DLGAP2: variants seen among roughly 807,000 people sequenced by gnomAD.
DLGAP2 encodes the protein disks large-associated protein 2.
DLGAP2 carries 26 observed loss-of-function variants against 100.3 expected under a neutral mutation model. The ratio of observed to expected loss-of-function variants is 0.26; its 90% confidence interval spans 0.19 to 0.36. DLGAP2 has a LOEUF of 0.36. DLGAP2 is among the 10% of genes least tolerant of loss of function. DLGAP2 has a pLI of 1.00. For missense variants in DLGAP2, 1,858 were observed against 1,453.2 expected, an observed-to-expected ratio of 1.28 and a Z score of -4.53; for synonymous variants, 886 against 630.1, an observed-to-expected ratio of 1.41 and a Z score of -6.08.
At chr8:1,307,130 C>A (rs1800509391) in intron 3 of DLGAP2, among the ~76,000 whole-genome samples, 1 of 151,962 alleles carries the variant, frequency 6.6e-6, no homozygotes, top group African/African-American at 2.4e-5. Flanking sequence ...TATCAAAATT[C>A]AAATCATATA....
intron 3 of DLGAP2, among the ~76,000 whole-genome samples, chr8:1,269,998 C>G (rs1324889735): frequency 1.3e-5 from 2 of 152,150 alleles, no homozygotes; most frequent in African/African-American, 4.8e-5. Flanking sequence ...CGGTATTTTC[C>G]TGGGCGGGGA....
At chr8:1,117,997 AAGC>A (rs1795934966) in intron 2 of DLGAP2, among the ~76,000 whole-genome samples, 1 of 152,238 alleles carries the variant, frequency 6.6e-6, no homozygotes, top group Non-Finnish European at 1.5e-5. Flanking sequence ...TGAAATTATA[AAGC>A]AAATTCGTTA....
intron 2 of DLGAP2, among the ~76,000 whole-genome samples, chr8:1,245,333 C>G (rs951701741): frequency 1.3e-5 from 2 of 152,174 alleles, no homozygotes; most frequent in African/African-American, 4.8e-5. Flanking sequence ...AAGATAGAAA[C>G]AACCCAGGTC....
chr8:1,377,109 G>T (rs549810771), intron 3 of DLGAP2, among the ~76,000 whole-genome samples: 2 of 152,240 alleles, frequency 1.3e-5, no homozygotes, highest in South Asian at 4.1e-4. Context: ...CCAGATAGGC[G>T]TGTGCGTCCC....
At chr8:750,310 A>T (rs1299641231) in intron 1 of DLGAP2, among the ~76,000 whole-genome samples, 1 of 152,238 alleles carries the variant, frequency 6.6e-6, no homozygotes. Context: ...GAGTGGGCTC[A>T]GGGAGGACGT....
intron 2 of DLGAP2, among the ~76,000 whole-genome samples, chr8:1,055,501 A>G (rs1373660768): frequency 1.3e-5 from 2 of 152,226 alleles, no homozygotes; most frequent in African/African-American, 4.8e-5. Context: ...TTTTCTACTT[A>G]AAGTCTGTTG....
intron 1 of DLGAP2, among the ~76,000 whole-genome samples, chr8:750,255 G>C (rs1004224460): frequency 6.6e-6 from 1 of 152,220 alleles, no homozygotes; most frequent in African/African-American, 2.4e-5. Flanking sequence ...GGCACTGGCC[G>C]TGCCGCATCC....
intron 3 of DLGAP2, among the ~76,000 whole-genome samples, chr8:1,319,717 C>T (rs948569675): frequency 5.3e-5 from 8 of 152,072 alleles, no homozygotes; most frequent in African/African-American, 1.9e-4. Context: ...GATGTCAGAA[C>T]GATGGGAAGA....
chr8:1,344,294 G>T (rs1373427453), intron 3 of DLGAP2, among the ~76,000 whole-genome samples: 1 of 152,186 alleles, frequency 6.6e-6, no homozygotes, highest in African/African-American at 2.4e-5. Flanking sequence ...GTGGGTGGCT[G>T]GCGGGTCTGT....
intron 2 of DLGAP2, among the ~76,000 whole-genome samples, chr8:1,132,519 T>C (rs2129049270): frequency 6.6e-6 from 1 of 152,374 alleles, no homozygotes; most frequent in Middle Eastern, 3.4e-3. Context: ...GTAGTTTTTC[T>C]TGGCAACATT....
At chr8:1,200,586 C>CCAGT (rs1481007999) in intron 2 of DLGAP2, among the ~76,000 whole-genome samples, 1 of 152,214 alleles carries the variant, frequency 6.6e-6, no homozygotes, top group Non-Finnish European at 1.5e-5. Context: ...CCTGCACGTC[C>CCAGT]CACTGCCACG....
At chr8:1,093,634 AAC>A (rs1419197866) in intron 2 of DLGAP2, among the ~76,000 whole-genome samples, 8 of 151,394 alleles carry the variant, frequency 5.3e-5, no homozygotes, top group Admixed American at 5.3e-4. Flanking sequence ...GCCAGACAGA[AAC>A]ACTTTCACAC....
At chr8:1,465,302 A>G (rs963030710) in intron 3 of DLGAP2, among the ~76,000 whole-genome samples, 2 of 151,856 alleles carry the variant, frequency 1.3e-5, no homozygotes, top group Non-Finnish European at 2.9e-5. Context: ...GGTTTATTAT[A>G]AAGGATACAG....
chr8:1,310,971 A>G (rs1800600521), intron 3 of DLGAP2, among the ~76,000 whole-genome samples: 1 of 152,240 alleles, frequency 6.6e-6, no homozygotes, highest in South Asian at 2.1e-4. Context: ...AATTCAAAAA[A>G]TAGAGTATCA....
rs552061479 is a variant in DLGAP2, at chr8:857,232, A to G, written c.19-50680A>G. ...CAAAATTAACACAAAATGCAAAACTATAAAAGTCCTAGGAGACAATGTGGG... is the reference window on the plus strand; with the variant it reads ...CAAAATTAACACAAAATGCAAAACTGTAAAAGTCCTAGGAGACAATGTGGG... On this transcript the variant is annotated intron_variant, in intron 1 of 14. Coordinates refer to ENST00000637795, the MANE Select transcript of DLGAP2 (RefSeq NM_001346810.2). 2.6e-5 allele frequency among the ~76,000 whole-genome samples: 4 copies of G among 152,358 alleles called. No individual in the cohort carries two copies. The East Asian group carries it at 5.8e-4, about 22-fold the overall frequency.
intron 5 of DLGAP2, among the ~76,000 whole-genome samples, chr8:1,558,329 G>A (rs1330778994): frequency 1.3e-5 from 2 of 152,192 alleles, no homozygotes; most frequent in African/African-American, 4.8e-5. Context: ...GTTTGGAGAT[G>A]GCCATAGGAA....
At chr8:1,672,228 A>AT (rs150461910) in intron 10 of DLGAP2, among the ~76,000 whole-genome samples, 27,253 of 134,428 alleles carry the variant, frequency 0.2, 3,835 homozygotes, top group African/African-American at 0.4. Context: ...TTTATTTTTA[A>AT]TTTTTTTTTT....
In DLGAP2 at chr8:938,371, A is replaced by AT. The variant is rs1372973883; in HGVS notation, c.73+30412dup. 2.6e-5 allele frequency among the ~76,000 whole-genome samples: 4 copies of AT among 151,956 alleles called. No homozygotes were observed. In the East Asian group the frequency reaches 7.8e-4, roughly 30 times the overall value. On this transcript the variant is annotated intron_variant, in intron 2 of 14. Coordinates refer to ENST00000637795, the MANE Select transcript of DLGAP2 (RefSeq NM_001346810.2). ...GCCACCATGCCTGGCTGATTTTTAA[A>AT]TTTTTTTGTAGAGACAAGGTCTCAC...
chr8:1,255,678 G>A (rs925212666), intron 2 of DLGAP2, among the ~76,000 whole-genome samples: 1,244 of 124,448 alleles, frequency 1.0e-2, no homozygotes, highest in African/African-American at 0.044. Flanking sequence ...TCTCCTGCCT[G>A]GGAGCTGTGT....
Sources: gnomAD v4.1 joint callset for allele counts (sites outside exome capture counted in the v4.1 genomes callset) on GRCh38, gnomAD v4.1.1 for gene constraint, MANE v1.5 for transcripts, NCBI Gene and HGNC (gene_info 2026-07-23, HGNC 2026-07-21) for gene names.